Variants in AIG1 observed in about 807,000 individuals in gnomAD.
The protein encoded by AIG1 is androgen-induced gene 1 protein.
In AIG1, 23 loss-of-function variants were observed where a neutral mutation model predicts 31.4. The ratio of observed to expected loss-of-function variants is 0.73; its 90% CI spans 0.53 to 1.04. The LOEUF is 1.04. AIG1 is among the 50% of genes least tolerant of loss of function. The pLI is 0.00. For synonymous variants in AIG1, 100 were observed against 110.5 expected (o/e 0.90, Z 0.60); for missense variants, 274 against 295.0 (o/e 0.93, Z 0.52).
At chr6:143,176,277 G>A (rs1418013215) in intron 3 of AIG1, among the ~76,000 whole-genome samples, 1 of 152,194 alleles carries the variant, frequency 6.6e-6, no homozygotes, top group African/African-American at 2.4e-5. Flanking sequence ...GTGTTGGTTG[G>A]CCTCCAGCCA....
chr6:143,335,096 A>G (rs1777371628), intron 5 of AIG1: 3 of 1,444,332 alleles, frequency 2.1e-6, no homozygotes, highest in Non-Finnish European at 2.7e-6. Context: ...AGTTAGTTCC[A>G]CAAAGACAGA....
chr6:143,310,209 G>A (rs1366088557), intron 4 of AIG1, among the ~76,000 whole-genome samples: 4 of 151,868 alleles, frequency 2.6e-5, no homozygotes, highest in Non-Finnish European at 5.9e-5. Context: ...TCAAGCTTAT[G>A]TAGGACATTC....
At chr6:143,152,527 G>A (rs548459085) in intron 2 of AIG1, among the ~76,000 whole-genome samples, 5 of 152,260 alleles carry the variant, frequency 3.3e-5, no homozygotes, top group African/African-American at 1.2e-4. Context: ...TCTTATGTGA[G>A]GTTTATGGAT....
In AIG1 at chr6:143,256,322, C is replaced by T. The variant is rs956220382; in HGVS notation, c.400-27788C>T. Among the ~76,000 whole-genome samples, 1 of 152,172 alleles carries T rather than the reference C, an allele frequency of 6.6e-6. No homozygotes were observed. The highest frequency in any genetic ancestry group is 1.5e-5 in the Non-Finnish European group (1 of 68,024). ...AAGTGGAAAAAGAAAATCAATGATA[C>T]TTTAAAAGTTCCTCCAACCTCTTGT... On this transcript the variant is annotated intron_variant, in intron 3 of 5. Transcript: ENST00000357847. The surrounding 1 kb of genome is among the most constrained non-coding windows in gnomAD (Gnocchi z 4.6).
chr6:143,140,070 C>T (rs1258933983), intron 2 of AIG1, among the ~76,000 whole-genome samples: 1 of 152,200 alleles, frequency 6.6e-6, no homozygotes, highest in South Asian at 2.1e-4. Context: ...GCCTCACAAT[C>T]ATGGGGGAAG....
chr6:143,092,569 C>T (rs1779401043), intron 1 of AIG1, among the ~76,000 whole-genome samples: 1 of 152,116 alleles, frequency 6.6e-6, no homozygotes, highest in African/African-American at 2.4e-5. Context: ...TGTCAATGAG[C>T]AGTTATATTT....
chr6:143,182,291 C>A (rs775948486), intron 3 of AIG1, among the ~76,000 whole-genome samples: 1 of 152,166 alleles, frequency 6.6e-6, no homozygotes, highest in Non-Finnish European at 1.5e-5. Context: ...GCCTCAGCCT[C>A]CCAAAGTGCT....
At chr6:143,083,759 T>C (rs1778505088) in intron 1 of AIG1, among the ~76,000 whole-genome samples, 1 of 152,112 alleles carries the variant, frequency 6.6e-6, no homozygotes, top group African/African-American at 2.4e-5. Flanking sequence ...GGAGGCAGAA[T>C]CCTTTAGTTT....
At position 143,320,824 on chromosome 6, in the gene AIG1, T is replaced by C. The variant is rs1374512792; in HGVS notation, c.516-12458T>C. On this transcript the variant is annotated intron_variant, in intron 4 of 5. Transcript: ENST00000357847. Reference sequence around the variant, plus strand: ...TAAAACTTGTTAAGCGAGTAGATTTTTTTTTTTTTTTTTTGAGAAGGAGTT... The same window carrying C: ...TAAAACTTGTTAAGCGAGTAGATTTCTTTTTTTTTTTTTTGAGAAGGAGTT... 2.0e-5 allele frequency among the ~76,000 whole-genome samples: 3 copies of C among 151,312 alleles called. No individual in the cohort carries two copies. The East Asian group carries it at 5.8e-4, about 29-fold the overall frequency.
chr6:143,225,873 A>T (rs985135262), intron 3 of AIG1, among the ~76,000 whole-genome samples: 5 of 152,216 alleles, frequency 3.3e-5, no homozygotes, highest in African/African-American at 1.2e-4. Context: ...TTAATGTAAG[A>T]TGGCTCTACT....
chr6:143,173,707 T>A (rs947648448), intron 3 of AIG1, among the ~76,000 whole-genome samples: 1 of 152,214 alleles, frequency 6.6e-6, no homozygotes, highest in Non-Finnish European at 1.5e-5. Context: ...AGGGTTCCTT[T>A]TGGAGTTGAT....
chr6:143,271,833 A>G (rs920111716), intron 3 of AIG1, among the ~76,000 whole-genome samples: 2 of 151,040 alleles, frequency 1.3e-5, no homozygotes, highest in Non-Finnish European at 2.9e-5. Flanking sequence ...TTAAAGATGA[A>G]TATATCTTTC....
Position 143,249,749 on chromosome 6 carries a change from A to AC in AIG1, c.400-34354dup, listed in dbSNP as rs200178344. ...CTTCCTTCTTGTGTCTTTTGCTTCA[A>AC]CCCCCCCTATGTTTGCTGATGCCCT... On this transcript the variant is annotated intron_variant, in intron 3 of 5. Transcript: ENST00000357847. 8.0e-3 allele frequency among the ~76,000 whole-genome samples: 1,208 copies of AC among 151,870 alleles called. 14 individuals carry two copies. The highest frequency in any genetic ancestry group is 0.028 in the African/African-American group (1,159 of 41,380).
chr6:143,071,971 T>G (rs113042184), intron 1 of AIG1, among the ~76,000 whole-genome samples: 64 of 151,882 alleles, frequency 4.2e-4, no homozygotes, highest in Non-Finnish European at 1.8e-4. Context: ...AATTTTTTTT[T>G]TGTGCAGACA....
intron 2 of AIG1, among the ~76,000 whole-genome samples, chr6:143,149,009 A>G (rs980810874): frequency 2.0e-5 from 3 of 152,166 alleles, no homozygotes; most frequent in Non-Finnish European, 4.4e-5. Context: ...TATACCACCT[A>G]GGTTTGTGTA....
chr6:143,147,195 G>A (rs564638166), intron 2 of AIG1, among the ~76,000 whole-genome samples: 7 of 152,326 alleles, frequency 4.6e-5, no homozygotes, highest in Non-Finnish European at 5.9e-5. Flanking sequence ...CTGTTGCCAC[G>A]TGAGGAAATT....
At chr6:143,060,155 T>C (rs1201623378), upstream of AIG1, among the ~76,000 whole-genome samples, 1 of 152,264 alleles carries the variant, frequency 6.6e-6, no homozygotes, top group African/African-American at 2.4e-5. Flanking sequence ...ATATTCTAGC[T>C]GATGTTATAT....
intron 3 of AIG1, among the ~76,000 whole-genome samples, chr6:143,220,466 C>T (rs1464028527): frequency 2.0e-5 from 3 of 152,054 alleles, no homozygotes; most frequent in African/African-American, 7.2e-5. Flanking sequence ...GAACACGAGA[C>T]GTTGATATTA....
chr6:143,274,908 G>A (rs1437819749), intron 3 of AIG1, among the ~76,000 whole-genome samples: 2 of 152,178 alleles, frequency 1.3e-5, no homozygotes, highest in East Asian at 1.9e-4. Flanking sequence ...AGTGGGAAAT[G>A]TCTAGTATAA....
Sources: allele counts gnomAD v4.1 joint callset (sites outside exome capture counted in the v4.1 genomes callset), GRCh38; gene constraint gnomAD v4.1.1; non-coding constraint Gnocchi (gnomAD v3.1); transcripts MANE v1.5; gene names NCBI Gene and HGNC (gene_info 2026-07-23, HGNC 2026-07-21).